The following PROKR2 variants were observed in gnomAD, a reference collection of about 807,000 sequenced individuals.
The protein encoded by PROKR2 is prokineticin receptor 2.
In PROKR2, 26 loss-of-function variants were observed where a neutral mutation model predicts 23.4. The ratio of observed to expected loss-of-function variants is 1.11; its 90% CI spans 0.81 to 1.54. PROKR2 has a LOEUF of 1.54. PROKR2 is among the 40% of genes most tolerant of loss of function. The pLI is 0.00. For synonymous variants in PROKR2, 212 were observed against 201.2 expected (o/e 1.05, Z -0.45); for missense variants, 453 against 511.5 (o/e 0.89, Z 1.10).
At chr20:5,303,646 A>G (rs1428394110) in intron 2 of PROKR2, among the ~76,000 whole-genome samples, 3 of 152,080 alleles carry the variant, frequency 2.0e-5, no homozygotes, top group Non-Finnish European at 4.4e-5. Flanking sequence ...AATGACACCT[A>G]TTTAGACACC....
At chr20:5,313,467 G>A (rs1209023038) in intron 2 of PROKR2, among the ~76,000 whole-genome samples, 3 of 152,214 alleles carry the variant, frequency 2.0e-5, no homozygotes, top group African/African-American at 7.2e-5. Context: ...GCCTGGTGGG[G>A]GAGGATTGAC....
chr20:5,315,961 C>G (rs1289601558), intron 1 of PROKR2: 1 of 456,394 alleles, frequency 2.2e-6, no homozygotes, highest in African/African-American at 2.0e-5. Context: ...CCGGGAGCGA[C>G]CCGTTCCAGC....
intron 1 of PROKR2, among the ~76,000 whole-genome samples, chr20:5,315,446 G>A (rs906676372): frequency 6.6e-6 from 1 of 152,266 alleles, no homozygotes; most frequent in Non-Finnish European, 1.5e-5. Flanking sequence ...TCACCGAGGG[G>A]CTGGAAAAAG....
chr20:5,314,296 G>A lies in PROKR2; in HGVS notation c.74C>T (p.Ser25Phe). 1.9e-6 allele frequency: 3 copies of A among 1,614,198 alleles called. No homozygotes were observed. In the African/African-American group the frequency reaches 4.0e-5, roughly 22 times the overall value. ...ATAATCACCATAACTGAAGTTAAAGGAGAGGGAGGAGGCATGGTCTTGGGG... is the reference window on the plus strand; with the variant it reads ...ATAATCACCATAACTGAAGTTAAAGAAGAGGGAGGAGGCATGGTCTTGGGG... ...NPPQDHASSL[S>F]FNFSYGDYDL... The change falls in exon 2 of 3, where the codon TCC (serine) becomes TTC (phenylalanine). Residue 25 changes from serine to phenylalanine, a missense_variant. Transcript: ENST00000678254.
At chr20:5,314,924 G>A (rs946785950) in intron 1 of PROKR2, among the ~76,000 whole-genome samples, 13 of 152,192 alleles carry the variant, frequency 8.5e-5, no homozygotes, top group Non-Finnish European at 1.8e-4. Flanking sequence ...GGAGGGCCAG[G>A]ATGCTGCGGG....
At chr20:5,309,940 A>T (rs1979371624) in intron 2 of PROKR2, among the ~76,000 whole-genome samples, 2 of 152,230 alleles carry the variant, frequency 1.3e-5, no homozygotes, top group Admixed American at 1.3e-4. Flanking sequence ...AATAAATCAG[A>T]AAGCAATAAC....
In PROKR2 at chr20:5,302,432, C is replaced by G; in HGVS notation, c.763G>C (p.Val255Leu). The G allele has an allele frequency of 6.2e-7, 1 of 1,614,218 alleles. No homozygotes were observed. Among genetic ancestry groups the G allele is most frequent in the Non-Finnish European group, 8.5e-7 (1 of 1,180,044 alleles). Residue 255 changes from valine (V) to leucine (L), a missense_variant, in exon 3 of 3, where the codon GTC becomes CTC. Physicochemically the swap from Val to Leu is conservative, Grantham distance 32 (BLOSUM62 1). Transcript: ENST00000678254. ...RISRELWFKA[V>L]PGFQTEQIRK... ...ATCTGCTCCGTCTGGAACCCAGGGA[C>G]TGCCTTGAACCAGAGCTCCCGGGAG...
chr20:5,304,010 C>T (rs922069758), intron 2 of PROKR2, among the ~76,000 whole-genome samples: 3 of 152,146 alleles, frequency 2.0e-5, no homozygotes, highest in Non-Finnish European at 4.4e-5. Context: ...GGTTTATTTG[C>T]CAGCTAAAGC....
chr20:5,311,786 T>G (rs1979454383), intron 2 of PROKR2, among the ~76,000 whole-genome samples: 1 of 152,130 alleles, frequency 6.6e-6, no homozygotes, highest in African/African-American at 2.4e-5. Context: ...CCAGGCTACA[T>G]CTTTCTCCCA....
chr20:5,314,226 G>A lies in PROKR2; in HGVS notation c.144C>T (p.Thr48=), dbSNP rs974210333. ...DEDEDMTKTR[T]FFAAKIVIGI... Reference sequence around the variant, plus strand: ...CAATGACGATCTTGGCTGCGAAGAAGGTCCGGGTCTTGGTCATGTCCTCAT... The same window carrying A: ...CAATGACGATCTTGGCTGCGAAGAAAGTCCGGGTCTTGGTCATGTCCTCAT... The change falls in exon 2 of 3, where the codon ACC becomes ACT. Residue 48 remains threonine, a synonymous_variant. Transcript: ENST00000678254. 6.2e-7 allele frequency: 1 copy of A among 1,614,088 alleles called. No individual in the cohort carries two copies. The highest frequency in any genetic ancestry group is 1.3e-5 in the African/African-American group (1 of 74,920).
intron 1 of PROKR2, among the ~76,000 whole-genome samples, chr20:5,315,302 T>G (rs1272113736): frequency 6.6e-6 from 1 of 152,124 alleles, no homozygotes; most frequent in Non-Finnish European, 1.5e-5. Flanking sequence ...CCTCCTTCAC[T>G]TGGCCCTAGT....
rs1300064639 is a variant in PROKR2, at chr20:5,300,137, C to T, written c.*1903G>A. Among the ~76,000 whole-genome samples, 3 of 152,140 alleles carry T rather than the reference C, an allele frequency of 2.0e-5. No individual in the cohort carries two copies. The highest frequency in any genetic ancestry group is 7.2e-5 in the African/African-American group (3 of 41,440). On this transcript the variant is annotated 3_prime_UTR_variant, in exon 3 of 3. Coordinates refer to ENST00000678254, the MANE Select transcript of PROKR2 (RefSeq NM_144773.4). ...AACCAGGTACCATTTGCATAGCTAC[C>T]ACATCAAAATGAATCAAGAAGAAAT...
Position 5,300,529 on chromosome 20 carries a change from G to C in PROKR2, c.*1511C>G, listed in dbSNP as rs189446102. On this transcript the variant is annotated 3_prime_UTR_variant, in exon 3 of 3. Transcript: ENST00000678254. ...TCAATATCACTTCTCCATTCTTATCGTGTGCACAGTTGAAAAGCACATTCA... is the reference window on the plus strand; with the variant it reads ...TCAATATCACTTCTCCATTCTTATCCTGTGCACAGTTGAAAAGCACATTCA... Among the ~76,000 whole-genome samples the C allele has an allele frequency of 6.6e-6, 1 of 152,114 alleles. No individual in the cohort carries two copies. The highest frequency in any genetic ancestry group is 1.5e-5 in the Non-Finnish European group (1 of 68,024).
At position 5,316,393 on chromosome 20, in the gene PROKR2, C is replaced by A; in HGVS notation, c.-9+101G>T. The A allele has an allele frequency of 2.2e-6, 1 of 456,498 alleles. No homozygotes were observed. The highest frequency in any genetic ancestry group is 4.4e-6 in the Non-Finnish European group (1 of 226,916). 28.3% of individuals were successfully genotyped at this position (456,498 alleles called of 1,614,324 possible). On this transcript the variant is annotated intron_variant, in intron 1 of 2. Transcript: ENST00000678254. The surrounding 1 kb of genome is among the most constrained non-coding windows in gnomAD (Gnocchi z 5.0). ...TCGAGAGTGGCGGGAGGCAAAGCAG[C>A]CGGAATGCCCGAGAAAAAAGTGGGC...
chr20:5,315,278 G>A (rs75065164), intron 1 of PROKR2, among the ~76,000 whole-genome samples: 1,874 of 151,526 alleles, frequency 0.012, 44 homozygotes, highest in African/African-American at 0.043. Flanking sequence ...TCCAACTTTG[G>A]ATCTGCTCTC....
In PROKR2 at chr20:5,300,773, C is replaced by T. The variant is rs1039254530; in HGVS notation, c.*1267G>A. Reference sequence around the variant, plus strand: ...GAGTGTTCTAGAAAGTGGTCCAGTCCTTAGCAAAATGCCCACAGAGATTAT... The same window carrying T: ...GAGTGTTCTAGAAAGTGGTCCAGTCTTTAGCAAAATGCCCACAGAGATTAT... On this transcript the variant is annotated 3_prime_UTR_variant, in exon 3 of 3. Transcript: ENST00000678254. Among the ~76,000 whole-genome samples, 12 of 152,124 alleles carry T rather than the reference C, an allele frequency of 7.9e-5. No individual in the cohort carries two copies. Among genetic ancestry groups the T allele is most frequent in the Non-Finnish European group, 1.6e-4 (11 of 68,028 alleles).
chr20:5,301,327 G>T lies in PROKR2; in HGVS notation c.*713C>A, dbSNP rs1451488032. Among the ~76,000 whole-genome samples, 1 of 152,156 alleles carries T rather than the reference G, an allele frequency of 6.6e-6. No homozygotes were observed. Among genetic ancestry groups the T allele is most frequent in the Admixed American group, 6.5e-5 (1 of 15,280 alleles). On this transcript the variant is annotated 3_prime_UTR_variant, in exon 3 of 3. Coordinates refer to ENST00000678254, the MANE Select transcript of PROKR2 (RefSeq NM_144773.4). ...AGCTCACTGCAAACTCCAACTCCCA[G>T]GTTCAAGCTATTCTCCTGCTTCAGC...
At chr20:5,312,085 G>C (rs1413538402) in intron 2 of PROKR2, among the ~76,000 whole-genome samples, 1 of 152,166 alleles carries the variant, frequency 6.6e-6, no homozygotes, top group Non-Finnish European at 1.5e-5. Flanking sequence ...CCACTCAAGA[G>C]GGTGGGGTGG....
chr20:5,309,150 C>A (rs962722893), intron 2 of PROKR2, among the ~76,000 whole-genome samples: 3 of 152,302 alleles, frequency 2.0e-5, no homozygotes, highest in African/African-American at 7.2e-5. Flanking sequence ...AATGGGCAGG[C>A]TCATTCTTGT....
Sources: allele counts gnomAD v4.1 joint callset (sites outside exome capture counted in the v4.1 genomes callset), GRCh38; gene constraint gnomAD v4.1.1; non-coding constraint Gnocchi (gnomAD v3.1); transcripts MANE v1.5; gene names NCBI Gene and HGNC (gene_info 2026-07-23, HGNC 2026-07-21).